Variants in STUM observed in about 807,000 individuals in gnomAD.
The protein encoded by STUM is stum, mechanosensory transduction mediator homolog.
STUM carries 8 observed loss-of-function variants against 15.3 expected under a neutral mutation model. The ratio of observed to expected loss-of-function variants is 0.52; its 90% confidence interval spans 0.31 to 0.94. The LOEUF (loss-of-function observed/expected upper bound fraction) is 0.94. Ranked by LOEUF, STUM falls within the 40% of genes least tolerant of loss-of-function variation. The pLI is 0.05. For synonymous variants in STUM, 78 were observed against 88.7 expected, an observed-to-expected ratio of 0.88 and a Z score of 0.68; for missense variants, 142 against 204.9, an observed-to-expected ratio of 0.69 and a Z score of 1.87.
At chr1:226,555,511 C>CT in intron 1 of STUM, among the ~76,000 whole-genome samples, 2 of 116,602 alleles carry the variant, frequency 1.7e-5, no homozygotes, top group Non-Finnish European at 3.7e-5. Flanking sequence ...TGACTCTTTT[C>CT]TTTTTAACCC....
chr1:226,594,477 C>T (rs548503211), intron 1 of STUM, among the ~76,000 whole-genome samples: 1 of 151,916 alleles, frequency 6.6e-6, no homozygotes, highest in Non-Finnish European at 1.5e-5. Flanking sequence ...TGGTCTGGGC[C>T]CGCTTTTAAC....
Position 226,565,488 on chromosome 1 carries a change from T to C in STUM, c.202+16382T>C, listed in dbSNP as rs192768890. 1.1e-3 allele frequency among the ~76,000 whole-genome samples: 168 copies of C among 152,232 alleles called. 2 individuals are homozygous for C. Among genetic ancestry groups the C allele is most frequent in the Admixed American group, 8.8e-3 (134 of 15,304 alleles). On this transcript the variant is annotated intron_variant, in intron 1 of 3. Transcript: ENST00000366788. The surrounding 1 kb of genome is among the most constrained non-coding windows in gnomAD (Gnocchi z 4.4). The stretch of plus-strand genomic sequence containing the variant: ...TCTCATCCCACCCACCTCCACCTGG[T>C]TTTCCTAAAGATGTTGGTTTCTAAC...
At chr1:226,571,668 T>G (rs1308358867) in intron 1 of STUM, among the ~76,000 whole-genome samples, 1 of 151,948 alleles carries the variant, frequency 6.6e-6, no homozygotes, top group Non-Finnish European at 1.5e-5. Flanking sequence ...AGATGGAGTT[T>G]CACTCTTGTT....
chr1:226,563,880 G>C (rs1210901346), intron 1 of STUM, among the ~76,000 whole-genome samples: 2 of 152,186 alleles, frequency 1.3e-5, no homozygotes, highest in Non-Finnish European at 2.9e-5. Context: ...ACTCAGAAGG[G>C]AAAAAAGTAA....
intron 2 of STUM, among the ~76,000 whole-genome samples, chr1:226,599,054 A>G (rs708756): frequency 0.015 from 2,228 of 152,264 alleles, 59 homozygotes; most frequent in South Asian, 0.1. Context: ...TTTTAAAACC[A>G]TCAGATCTCG....
In STUM at chr1:226,602,160, G is replaced by A; in HGVS notation, c.*120G>A. 2.8e-6 allele frequency: 2 copies of A among 705,890 alleles called. No individual in the cohort carries two copies. Among genetic ancestry groups the A allele is most frequent in the Non-Finnish European group, 4.8e-6 (2 of 419,820 alleles). The allele number at this position is 705,890 out of a possible 1,614,324, so 43.7% of individuals were successfully genotyped here. On this transcript the variant is annotated 3_prime_UTR_variant, in exon 4 of 4. Coordinates refer to ENST00000366788, the MANE Select transcript of STUM (RefSeq NM_001003665.4). ...ATTTTCTGGACTGGGGGTGGAAAGG[G>A]GGTATTTTTAAAAATATTATTTATT... is the stretch of plus-strand genomic sequence containing the variant.
chr1:226,587,893 G>A (rs2102706046), intron 1 of STUM, among the ~76,000 whole-genome samples: 1 of 152,250 alleles, frequency 6.6e-6, no homozygotes, highest in East Asian at 1.9e-4. Context: ...AGACCCCTTA[G>A]TTACTGCATT....
chr1:226,598,416 C>T (rs533240538), intron 2 of STUM, among the ~76,000 whole-genome samples: 1 of 152,322 alleles, frequency 6.6e-6, no homozygotes, highest in South Asian at 2.1e-4. Flanking sequence ...AGGAAGGAAC[C>T]TCTGCATTAA....
In STUM at chr1:226,549,148, C is replaced by T; in HGVS notation, c.202+42C>T. 1.3e-6 allele frequency: 2 copies of T among 1,523,626 alleles called. No homozygotes were observed. The highest frequency in any genetic ancestry group is 1.8e-6 in the Non-Finnish European group (2 of 1,124,954). The allele number at this position is 1,523,626 out of a possible 1,614,324, so 94.4% of individuals were successfully genotyped here. On this transcript the variant is annotated intron_variant, in intron 1 of 3. Transcript: ENST00000366788. This position sits in a 1 kb window ranked among gnomAD's most constrained non-coding sequence, Gnocchi z 6.8. ...GCGACCCTTGCGACCCCCACCCCGC[C>T]GCGGGAGGGCGTGGGGGGAGAGAAG...
intron 1 of STUM, among the ~76,000 whole-genome samples, chr1:226,589,209 C>G (rs1571809841): frequency 6.6e-6 from 1 of 152,212 alleles, no homozygotes. Context: ...ATGCGAAAAG[C>G]TGAACCCGGT....
intron 1 of STUM, among the ~76,000 whole-genome samples, chr1:226,582,877 G>C (rs1667941164): frequency 6.6e-6 from 1 of 152,216 alleles, no homozygotes; most frequent in Admixed American, 6.5e-5. Flanking sequence ...GTCTCAGTTA[G>C]CTTTTGCTGC....
At chr1:226,572,876 T>C (rs548936757) in intron 1 of STUM, among the ~76,000 whole-genome samples, 1 of 152,254 alleles carries the variant, frequency 6.6e-6, no homozygotes, top group East Asian at 1.9e-4. Flanking sequence ...TCCAAGCCTC[T>C]CATTTTACAG....
At chr1:226,590,052 A>G (rs1306302279) in intron 1 of STUM, among the ~76,000 whole-genome samples, 1 of 151,308 alleles carries the variant, frequency 6.6e-6, no homozygotes, top group Non-Finnish European at 1.5e-5. Context: ...CGTTTGATGC[A>G]CACACTGCTT....
In STUM at chr1:226,582,595, C is replaced by T. The variant is rs1271324593; in HGVS notation, c.203-14207C>T. On this transcript the variant is annotated intron_variant, in intron 1 of 3. Transcript: ENST00000366788. ...GAGCAACAAGAGCAACATGCCATCT[C>T]AAAAAAAAAAAAAAAGACATCAGTA... 2.9e-5 allele frequency among the ~76,000 whole-genome samples: 4 copies of T among 140,126 alleles called. No homozygotes were observed. The South Asian group carries it at 9.2e-4, about 32-fold the overall frequency. The allele number at this position is 140,126 out of a possible 152,430, so 91.9% of individuals were successfully genotyped here. A position where few individuals can be genotyped will look rare whatever the true frequency, so the allele number is the denominator to read the frequency against.
At position 226,597,417 on chromosome 1, in the gene STUM, C is replaced by T. The variant is rs1214705585; in HGVS notation, c.382+436C>T. On this transcript the variant is annotated intron_variant, in intron 2 of 3. Coordinates refer to ENST00000366788, the MANE Select transcript of STUM (RefSeq NM_001003665.4). ...GTTCCCTGTATTTTCCCACGCCCAT[C>T]TACATGTGAGGCCACAGTTCCTCAA... is the stretch of plus-strand genomic sequence containing the variant. The T allele has an allele frequency of 6.3e-6, 3 of 473,220 alleles. No homozygotes were observed. The East Asian group carries it at 2.1e-4, about 33-fold the overall frequency. 29.3% of individuals were successfully genotyped at this position (473,220 alleles called of 1,614,324 possible). A position where few individuals can be genotyped will look rare whatever the true frequency, so the allele number is the denominator to read the frequency against.
chr1:226,584,641 G>A (rs904149820), intron 1 of STUM, among the ~76,000 whole-genome samples: 3 of 152,186 alleles, frequency 2.0e-5, no homozygotes, highest in African/African-American at 7.2e-5. Context: ...CTGGTTAACT[G>A]GGAACAACAC....
intron 1 of STUM, among the ~76,000 whole-genome samples, chr1:226,590,644 C>T (rs1668070185): frequency 6.6e-6 from 1 of 152,208 alleles, no homozygotes; most frequent in African/African-American, 2.4e-5. Context: ...TGACTCAGCT[C>T]TCTTCAATCA....
chr1:226,564,608 T>C (rs1005543773), intron 1 of STUM, among the ~76,000 whole-genome samples: 2 of 152,134 alleles, frequency 1.3e-5, no homozygotes, highest in African/African-American at 4.8e-5. Flanking sequence ...TAATTTTGAG[T>C]TTTCTAACTT....
intron 1 of STUM, 99 bp from the exon 2 acceptor site, chr1:226,596,703 C>T: frequency 9.0e-7 from 1 of 1,109,498 alleles, no homozygotes. Flanking sequence ...TCTCTGAGTT[C>T]TTGGAGGGTG....
Sources: allele counts gnomAD v4.1 joint callset (sites outside exome capture counted in the v4.1 genomes callset), GRCh38; gene constraint gnomAD v4.1.1; non-coding constraint Gnocchi (gnomAD v3.1); transcripts MANE v1.5; gene names NCBI Gene and HGNC (gene_info 2026-07-23, HGNC 2026-07-21).